GGA3: variants seen among roughly 807,000 people sequenced by gnomAD.
GGA3 encodes ADP-ribosylation factor-binding protein GGA3.
A neutral mutation model predicts 77.5 loss-of-function variants in GGA3; 57 were observed. That is an observed-to-expected ratio of 0.74 (90% CI 0.59 to 0.92). The LOEUF is 0.92. Ranked by LOEUF, GGA3 falls within the 40% of genes least tolerant of loss-of-function variation. The pLI is 0.00. For synonymous variants in GGA3, 416 were observed against 383.7 expected (o/e 1.08, Z -0.98); for missense variants, 970 against 914.9 (o/e 1.06, Z -0.78).
At position 75,242,410 on chromosome 17, in the gene GGA3, C is replaced by T. The variant is rs771807670; in HGVS notation, c.673G>A (p.Val225Met). The change falls in exon 8 of 17, where the codon GTG becomes ATG. Residue 225 changes from valine to methionine, a missense_variant. Val to Met is a conservative substitution (Grantham distance 21). Coordinates refer to ENST00000537686, the MANE Select transcript of GGA3 (RefSeq NM_138619.4). Reference sequence around the variant, plus strand: ...AGCAGCATCTCACTGAGCAGTCTCACGTTGTTGTTAACTTCCTCTAACGTG... The same window carrying T: ...AGCAGCATCTCACTGAGCAGTCTCATGTTGTTGTTAACTTCCTCTAACGTG... ...LHTLEEVNNN[V>M]RLLSEMLLHY... is the part of the protein sequence containing the mutation. 13 of 1,614,038 alleles carry T rather than the reference C, an allele frequency of 8.1e-6. No individual in the cohort carries two copies. Among genetic ancestry groups the T allele is most frequent in the African/African-American group, 4.0e-5 (3 of 74,942 alleles).
Position 75,237,843 on chromosome 17 carries a change from T to C in GGA3, c.*436A>G. 1 of 1,416,412 alleles carries C rather than the reference T, an allele frequency of 7.1e-7. No individual in the cohort carries two copies. The highest frequency in any genetic ancestry group is 1.6e-5 in the South Asian group (1 of 63,582). The allele number at this position is 1,416,412 out of a possible 1,614,324, so 87.7% of individuals were successfully genotyped here. ...GAATTGCAACAGGGCTGCAGCCCCT[T>C]GGGCCGTGCATCTGTCAGGTGTGAG... is the stretch of plus-strand genomic sequence containing the variant. On this transcript the variant is annotated 3_prime_UTR_variant, in exon 17 of 17. Transcript: ENST00000537686.
At chr17:75,244,323 C>T (rs762735968) in intron 4 of GGA3, 26 of 305,342 alleles carry the variant, frequency 8.5e-5, no homozygotes, top group Non-Finnish European at 1.5e-4. Context: ...AAACCCACAA[C>T]TGCCATGTGC....
At chr17:75,244,049 T>A (rs2076669342) in intron 4 of GGA3, among the ~76,000 whole-genome samples, 1 of 152,110 alleles carries the variant, frequency 6.6e-6, no homozygotes, top group African/African-American at 2.4e-5. Flanking sequence ...CTGATGCCCA[T>A]GTGGTGCAGG....
intron 1 of GGA3, among the ~76,000 whole-genome samples, chr17:75,261,055 G>A (rs1344257028): frequency 1.3e-5 from 2 of 152,228 alleles, no homozygotes; most frequent in Non-Finnish European, 2.9e-5. Flanking sequence ...CCTGAGCGAA[G>A]CCGTCACTTC....
At chr17:75,249,197 C>G (rs1386723763) in intron 1 of GGA3, among the ~76,000 whole-genome samples, 3 of 150,842 alleles carry the variant, frequency 2.0e-5, no homozygotes, top group Admixed American at 2.0e-4. Flanking sequence ...AGGCATGCGC[C>G]ACTATGCCTG....
chr17:75,253,675 G>A (rs1288507063), intron 1 of GGA3, among the ~76,000 whole-genome samples: 3 of 152,218 alleles, frequency 2.0e-5, no homozygotes, highest in East Asian at 1.9e-4. Context: ...TCCGCACCCC[G>A]ACCTCTTATC....
At chr17:75,257,046 C>T (rs867977498) in intron 1 of GGA3, among the ~76,000 whole-genome samples, 5 of 151,990 alleles carry the variant, frequency 3.3e-5, no homozygotes, top group Admixed American at 1.3e-4. Flanking sequence ...ATATCCCTTA[C>T]GGTCCTCCGT....
upstream of GGA3, chr17:75,262,134 C>A (rs1257509174): frequency 1.8e-5 from 17 of 948,454 alleles, no homozygotes; most frequent in South Asian, 3.2e-5. Flanking sequence ...CTGCGCCAAT[C>A]CGAAGGTTTA....
Position 75,237,866 on chromosome 17 carries a change from G to C in GGA3, c.*413C>G. ...CTTGGGCCGTGCATCTGTCAGGTGT[G>C]AGGATGTGGCTCTTGTGGGGAATGA... On this transcript the variant is annotated 3_prime_UTR_variant, in exon 17 of 17. Coordinates refer to ENST00000537686, the MANE Select transcript of GGA3 (RefSeq NM_138619.4). 1 of 1,399,558 alleles carries C rather than the reference G, an allele frequency of 7.1e-7. No homozygotes were observed. Among genetic ancestry groups the C allele is most frequent in the South Asian group, 1.7e-5 (1 of 59,396 alleles). The allele number at this position is 1,399,558 out of a possible 1,614,324, so 86.7% of individuals were successfully genotyped here.
intron 15 of GGA3, 26 bp downstream of exon 15, chr17:75,238,887 GT>G (rs1568109196): frequency 1.2e-6 from 2 of 1,611,250 alleles, no homozygotes; most frequent in Non-Finnish European, 8.5e-7. Context: ...AGATAAGGCC[GT>G]TTTGGCCCCA....
intron 1 of GGA3, among the ~76,000 whole-genome samples, chr17:75,247,190 T>C (rs936306873): frequency 3.3e-5 from 5 of 151,996 alleles, no homozygotes; most frequent in Admixed American, 3.3e-4. Context: ...CAAGTGGAGA[T>C]GGTCAAGAAG....
rs200204002 is a variant in GGA3, at chr17:75,241,688, A to G, written c.756T>C (p.Phe252=). The change falls in exon 9 of 17, where the codon TTT becomes TTC. Residue 252 remains phenylalanine, a synonymous_variant. Transcript: ENST00000537686. ...DGDRELMKEL[F]DQCENKRRTL... ...TCCGCCTCTTGTTCTCACACTGATC[A>G]AACAGCTCCTGAAAGAGACTCGGAC... 6.2e-7 allele frequency: 1 copy of G among 1,613,790 alleles called. No individual in the cohort carries two copies. The highest frequency in any genetic ancestry group is 1.3e-5 in the African/African-American group (1 of 74,932).
At chr17:75,244,753 C>T (rs777014500) in intron 3 of GGA3, 36 bp from the exon 4 acceptor site, 20 of 1,469,954 alleles carry the variant, frequency 1.4e-5, no homozygotes, top group South Asian at 5.7e-5. Context: ...TCAGTGAGGG[C>T]GTGCTCGGGG....
intron 1 of GGA3, among the ~76,000 whole-genome samples, chr17:75,253,729 G>A (rs530206529): frequency 6.6e-6 from 1 of 151,868 alleles, no homozygotes; most frequent in African/African-American, 2.4e-5. Context: ...CCCCTTTCCT[G>A]CTTTTCTGGA....
intron 1 of GGA3, among the ~76,000 whole-genome samples, chr17:75,247,410 A>G (rs2145539905): frequency 6.6e-6 from 1 of 152,120 alleles, no homozygotes; most frequent in South Asian, 2.1e-4. Flanking sequence ...CTACAGGTGC[A>G]TACCACCATG....
chr17:75,259,217 G>A (rs1431685299), intron 1 of GGA3, among the ~76,000 whole-genome samples: 4 of 152,018 alleles, frequency 2.6e-5, no homozygotes, highest in African/African-American at 7.2e-5. Context: ...GCCTCCCAAC[G>A]TGCTGGGATT....
chr17:75,239,475 C>T lies in GGA3; in HGVS notation c.1680G>A (p.Pro560=), dbSNP rs780562458. 1.3e-5 allele frequency: 20 copies of T among 1,578,016 alleles called. No homozygotes were observed. The highest frequency in any genetic ancestry group is 2.2e-5 in the East Asian group (1 of 44,478). The change falls in exon 14 of 17, where the codon CCG becomes CCA. Residue 560 remains proline, a synonymous_variant. Transcript: ENST00000537686. ...LLPFSTGPGS[P]LFQPLSFQSQ... ...ACTGGAAACTCAGTGGCTGGAAGAG[C>T]GGGCTGCCGGGCCCCGTGGAGAAGG...
At chr17:75,261,680 A>G, upstream of GGA3, 1 of 1,300,798 alleles carries the variant, frequency 7.7e-7, no homozygotes, top group Non-Finnish European at 1.0e-6. Context: ...GAGAGGAGTG[A>G]GTGCCGTCAC....
chr17:75,244,812 A>G (rs1341237912), intron 3 of GGA3, 95 bp from the exon 4 acceptor site: 12 of 784,686 alleles, frequency 1.5e-5, no homozygotes, highest in Non-Finnish European at 2.7e-5. Context: ...AGTACTGAAT[A>G]AACACGCCCA....
Sources: gnomAD v4.1 joint callset for allele counts (sites outside exome capture counted in the v4.1 genomes callset) on GRCh38, gnomAD v4.1.1 for gene constraint, MANE v1.5 for transcripts, NCBI Gene and HGNC (gene_info 2026-07-23, HGNC 2026-07-21) for gene names.